Variants in PLCB1 observed in about 807,000 individuals in gnomAD.
The protein encoded by PLCB1 is phospholipase C beta 1, also known as 1-phosphatidylinositol 4,5-bisphosphate phosphodiesterase beta-1.
PLCB1 carries 46 observed loss-of-function variants against 161.8 expected under a neutral mutation model. The ratio of observed to expected loss-of-function variants is 0.28; its 90% CI spans 0.22 to 0.36. The LOEUF is 0.36. Ranked by LOEUF, PLCB1 falls within the 10% of genes least tolerant of loss-of-function variation. The pLI is 1.00. For synonymous variants in PLCB1, 517 were observed against 503.7 expected (o/e 1.03, Z -0.35); for missense variants, 1,016 against 1,472.5 (o/e 0.69, Z 5.07).
intron 27 of PLCB1, among the ~76,000 whole-genome samples, chr20:8,782,019 CA>C (rs1358328165): frequency 4.6e-5 from 7 of 152,094 alleles, no homozygotes; most frequent in African/African-American, 1.7e-4. Context: ...CAGACTTTCA[CA>C]TTCATTTTTT....
chr20:8,686,398 T>TGA (rs1370492842), intron 10 of PLCB1, among the ~76,000 whole-genome samples: 2 of 152,230 alleles, frequency 1.3e-5, no homozygotes, highest in Non-Finnish European at 2.9e-5. Context: ...GTATTGTGTG[T>TGA]GATTTTGTTT....
intron 7 of PLCB1, chr20:8,653,395 G>A (rs988700659): frequency 6.6e-6 from 1 of 151,912 alleles, no homozygotes; most frequent in Admixed American, 6.6e-5. Flanking sequence ...TTCTTAATAT[G>A]ACTAATATCA....
At chr20:8,464,562 T>C (rs1335985471) in intron 3 of PLCB1, among the ~76,000 whole-genome samples, 3 of 152,206 alleles carry the variant, frequency 2.0e-5, no homozygotes, top group Non-Finnish European at 4.4e-5. Context: ...GGAACATGAC[T>C]GTGCTGCACC....
intron 3 of PLCB1, among the ~76,000 whole-genome samples, chr20:8,546,157 A>G (rs6516379): frequency 0.092 from 13,684 of 149,026 alleles, 973 homozygotes; most frequent in African/African-American, 0.19. Context: ...TCTAATAAAA[A>G]TACAAAAATT....
chr20:8,301,521 G>A (rs1049011690), intron 2 of PLCB1, among the ~76,000 whole-genome samples: 10 of 152,186 alleles, frequency 6.6e-5, no homozygotes, highest in African/African-American at 2.4e-4. Context: ...TGCTAAGAGA[G>A]CCACCACCCA....
intron 2 of PLCB1, among the ~76,000 whole-genome samples, chr20:8,227,773 A>T (rs763982239): frequency 1.2e-4 from 18 of 152,218 alleles, no homozygotes; most frequent in Non-Finnish European, 2.6e-4. Context: ...GGAATGGTCA[A>T]TCTGATTTTA....
intron 3 of PLCB1, among the ~76,000 whole-genome samples, chr20:8,559,239 G>C (rs562548955): frequency 6.6e-6 from 1 of 152,020 alleles, no homozygotes; most frequent in Non-Finnish European, 1.5e-5. Flanking sequence ...GTATACTCTT[G>C]AAGTTAAGTT....
chr20:8,846,314 G>A lies in PLCB1; in HGVS notation c.3424-35308G>A, dbSNP rs182750706. Among the ~76,000 whole-genome samples, 4 of 150,880 alleles carry A rather than the reference G, an allele frequency of 2.7e-5. No homozygotes were observed. In the East Asian group the frequency reaches 5.8e-4, roughly 22 times the overall value. ...GCATGATAAAATCACCTCCCAGCAG[G>A]CCCCTCCTCCAACACTGGGGATTAC... On this transcript the variant is annotated intron_variant, in intron 31 of 31. Coordinates refer to ENST00000338037, the MANE Select transcript of PLCB1 (RefSeq NM_015192.4).
intron 3 of PLCB1, among the ~76,000 whole-genome samples, chr20:8,506,680 C>T (rs950802401): frequency 6.6e-6 from 1 of 152,026 alleles, no homozygotes; most frequent in African/African-American, 2.4e-5. Context: ...TCTAACTGAC[C>T]TTAACTAATG....
In PLCB1 at chr20:8,819,538, G is replaced by T. The variant is rs185745091; in HGVS notation, c.3423+29277G>T. On this transcript the variant is annotated intron_variant, in intron 31 of 31. Coordinates refer to ENST00000338037, the MANE Select transcript of PLCB1 (RefSeq NM_015192.4). ...GGCTAAATTGAAGGTAAGATATTCT[G>T]TTCATCAAAAGACACTTTGAAGAGA... 7.0e-4 allele frequency among the ~76,000 whole-genome samples: 106 copies of T among 152,242 alleles called. 1 individual carries two copies. In the East Asian group the frequency reaches 0.017, roughly 25 times the overall value.
At chr20:8,497,835 A>C (rs73899112) in intron 3 of PLCB1, among the ~76,000 whole-genome samples, 4,850 of 152,294 alleles carry the variant, frequency 0.032, 239 homozygotes, top group African/African-American at 0.11. Flanking sequence ...AATAGTAAAC[A>C]TGCAAGAAGC....
rs187397701 is a variant in PLCB1 at position 8,719,152 on chromosome 20, T to C, written c.1513+1304T>C. Among the ~76,000 whole-genome samples, 134 of 152,300 alleles carry C rather than the reference T, an allele frequency of 8.8e-4. 2 individuals carry two copies. Among genetic ancestry groups the C allele is most frequent in the African/African-American group, 2.9e-3 (120 of 41,558 alleles). On this transcript the variant is annotated intron_variant, in intron 14 of 31. Transcript: ENST00000338037. ...AATCGCATTATAGACATCTCCTGATTGCAGGGTGATTAAGTGGAAGAAACT... is the reference window on the plus strand; with the variant it reads ...AATCGCATTATAGACATCTCCTGATCGCAGGGTGATTAAGTGGAAGAAACT...
chr20:8,336,069 A>G (rs556120947), intron 2 of PLCB1, among the ~76,000 whole-genome samples: 7 of 152,162 alleles, frequency 4.6e-5, no homozygotes, highest in Non-Finnish European at 8.8e-5. Flanking sequence ...AAGTAGTCCA[A>G]GGGGATGCGG....
At chr20:8,312,181 A>G (rs908050995) in intron 2 of PLCB1, among the ~76,000 whole-genome samples, 2 of 152,028 alleles carry the variant, frequency 1.3e-5, no homozygotes, top group Admixed American at 1.3e-4. Flanking sequence ...GCTGGAAGTT[A>G]TCTAGCCAGG....
At chr20:8,804,234 A>G (rs923220962) in intron 31 of PLCB1, among the ~76,000 whole-genome samples, 3 of 152,246 alleles carry the variant, frequency 2.0e-5, no homozygotes, top group African/African-American at 7.2e-5. Flanking sequence ...CAAATGCAAT[A>G]GAGACAAAAA....
At chr20:8,233,882 T>C (rs895128365) in intron 2 of PLCB1, among the ~76,000 whole-genome samples, 1 of 152,220 alleles carries the variant, frequency 6.6e-6, no homozygotes, top group Non-Finnish European at 1.5e-5. Context: ...ACGTGGTGTT[T>C]GTAAAATTCA....
chr20:8,667,258 A>T (rs545872052), intron 9 of PLCB1, among the ~76,000 whole-genome samples: 5 of 152,174 alleles, frequency 3.3e-5, no homozygotes, highest in African/African-American at 1.2e-4. Context: ...TCGAAATCTC[A>T]TTTAAATTCC....
intron 2 of PLCB1, among the ~76,000 whole-genome samples, chr20:8,261,344 G>T (rs573704333): frequency 9.2e-5 from 14 of 152,186 alleles, no homozygotes; most frequent in African/African-American, 3.4e-4. Flanking sequence ...TAACAATCAG[G>T]TAAGAACCCC....
At chr20:8,584,800 C>A (rs1363052269) in intron 3 of PLCB1, among the ~76,000 whole-genome samples, 5 of 152,088 alleles carry the variant, frequency 3.3e-5, no homozygotes, top group Non-Finnish European at 7.4e-5. Context: ...AAGCGATTCT[C>A]CTGCCTCAGC....
Sources: gnomAD v4.1 joint callset for allele counts (sites outside exome capture counted in the v4.1 genomes callset) on GRCh38, gnomAD v4.1.1 for gene constraint, MANE v1.5 for transcripts, NCBI Gene and HGNC (gene_info 2026-07-23, HGNC 2026-07-21) for gene names.